Variants in TRIO observed in about 807,000 individuals in gnomAD.
TRIO encodes trio Rho guanine nucleotide exchange factor.
A neutral mutation model predicts 351.9 loss-of-function variants in TRIO; 58 were observed. The ratio of observed to expected loss-of-function variants is 0.16; its 90% CI spans 0.13 to 0.21. The LOEUF is 0.21. Ranked by LOEUF, TRIO falls within the 10% of genes least tolerant of loss-of-function variation. The pLI, the probability that TRIO is intolerant of heterozygous loss-of-function variation, is 1.00. For missense variants in TRIO, 3,201 were observed against 4,027.8 expected (o/e 0.79, Z 5.56); for synonymous variants, 1,758 against 1,595.7 (o/e 1.10, Z -2.42).
chr5:14,301,396 C>G (rs1737869835), intron 7 of TRIO, among the ~76,000 whole-genome samples: 1 of 152,084 alleles, frequency 6.6e-6, no homozygotes, highest in African/African-American at 2.4e-5. Context: ...CCCCCAGATG[C>G]TTTGTGTTCA....
rs551271314 is a variant in TRIO, at chr5:14,477,717, C to T, written c.6153+754C>T. On this transcript the variant is annotated intron_variant, in intron 41 of 56. Coordinates refer to ENST00000344204, the MANE Select transcript of TRIO (RefSeq NM_007118.4). ...TTAAATACATTGAACTATTGGGCTT[C>T]GAGGCTCCTGCAGCCATGCGCGGTC... Among the ~76,000 whole-genome samples, 13 of 152,272 alleles carry T rather than the reference C, an allele frequency of 8.5e-5. No individual in the cohort carries two copies. The South Asian group carries it at 1.7e-3, about 19-fold the overall frequency.
At position 14,461,296 on chromosome 5, in the gene TRIO, C is replaced by T. The variant is rs375196064; in HGVS notation, c.5481C>T (p.Asp1827=). The change falls in exon 35 of 57, where the codon GAC becomes GAT. Residue 1827 remains aspartate, a synonymous_variant. Transcript: ENST00000344204. Reference sequence around the variant, plus strand: ...ACGACAGTGCGGCCACCCCGCAGGACGAGACGGTCGAGGAGGTGAGGCTCT... The same window carrying T: ...ACGACAGTGCGGCCACCCCGCAGGATGAGACGGTCGAGGAGGTGAGGCTCT... ...DSDDSAATPQ[D]ETVEERGRNE... is the part of the protein sequence containing the mutation. 2.5e-6 allele frequency: 4 copies of T among 1,579,738 alleles called. No homozygotes were observed. Among genetic ancestry groups the T allele is most frequent in the African/African-American group, 2.7e-5 (2 of 74,222 alleles).
At chr5:14,386,534 G>C (rs1256418979) in intron 21 of TRIO, among the ~76,000 whole-genome samples, 2 of 152,180 alleles carry the variant, frequency 1.3e-5, no homozygotes, top group Non-Finnish European at 2.9e-5. Flanking sequence ...AGATTTTCTA[G>C]TTAAAGCTTA....
At chr5:14,507,036 A>C in intron 55 of TRIO, 86 bp from the exon 56 acceptor site, 3 of 1,459,480 alleles carry the variant, frequency 2.1e-6, no homozygotes, top group Non-Finnish European at 2.7e-6. Flanking sequence ...AACAGGTGAC[A>C]GGTCCGACAT....
At chr5:14,447,914 G>T (rs1056701464) in intron 34 of TRIO, among the ~76,000 whole-genome samples, 1 of 152,180 alleles carries the variant, frequency 6.6e-6, no homozygotes, top group African/African-American at 2.4e-5. Context: ...CCGTGGGACT[G>T]CTTATTTCCC....
At chr5:14,484,566 G>A (rs1175530645) in intron 46 of TRIO, among the ~76,000 whole-genome samples, 1 of 152,220 alleles carries the variant, frequency 6.6e-6, no homozygotes, top group Non-Finnish European at 1.5e-5. Flanking sequence ...ACTTCACTTT[G>A]CACTTGGCCA....
intron 10 of TRIO, among the ~76,000 whole-genome samples, chr5:14,331,475 T>C (rs1740900484): frequency 6.6e-6 from 1 of 152,236 alleles, no homozygotes; most frequent in African/African-American, 2.4e-5. Context: ...TGTGGCTTGA[T>C]GAAGTAACAC....
intron 11 of TRIO, among the ~76,000 whole-genome samples, chr5:14,347,827 A>G (rs1196562541): frequency 6.6e-6 from 1 of 152,208 alleles, no homozygotes; most frequent in Non-Finnish European, 1.5e-5. Context: ...AATCTAGACA[A>G]GGGCCTGTCA....
intron 39 of TRIO, 144 bp from the exon 40 acceptor site, chr5:14,473,850 T>C (rs1001720676): frequency 1.6e-6 from 1 of 634,848 alleles, no homozygotes; most frequent in Non-Finnish European, 2.6e-6. Flanking sequence ...TTCATATCGG[T>C]TTTTTTTGTT....
intron 1 of TRIO, among the ~76,000 whole-genome samples, chr5:14,182,112 C>A (rs202152037): frequency 8.3e-6 from 1 of 121,078 alleles, no homozygotes; most frequent in Non-Finnish European, 1.8e-5. Context: ...TTTTTTTTTT[C>A]TTTTCATCCA....
At position 14,230,340 on chromosome 5, in the gene TRIO, T is replaced by TTGTG. The variant is rs59717445; in HGVS notation, c.158-40453_158-40450dup. On this transcript the variant is annotated intron_variant, in intron 1 of 56. Transcript: ENST00000344204. ...GAAATTGGAAAGTCAGGCAAGATGT[T>TTGTG]TGTGTGTGTGTGTGTGTGTGTGTGT... Among the ~76,000 whole-genome samples, 366 of 149,122 alleles carry TTGTG rather than the reference T, an allele frequency of 2.5e-3. 2 individuals are homozygous for TTGTG. Among genetic ancestry groups the TTGTG allele is most frequent in the African/African-American group, 6.2e-3 (246 of 39,892 alleles).
At chr5:14,342,224 T>G (rs2152324014) in intron 11 of TRIO, among the ~76,000 whole-genome samples, 1 of 152,350 alleles carries the variant, frequency 6.6e-6, no homozygotes, top group East Asian at 1.9e-4. Flanking sequence ...CTGCCTCTCC[T>G]CTGACCCTCA....
chr5:14,266,331 A>G (rs1303394850), intron 1 of TRIO, among the ~76,000 whole-genome samples: 2 of 151,742 alleles, frequency 1.3e-5, no homozygotes, highest in East Asian at 3.9e-4. Flanking sequence ...CCCTTCATCC[A>G]TCTTTCTACC....
chr5:14,207,690 C>A (rs1040646889), intron 1 of TRIO, among the ~76,000 whole-genome samples: 3 of 151,524 alleles, frequency 2.0e-5, no homozygotes, highest in African/African-American at 7.3e-5. Flanking sequence ...CCACCCTGGG[C>A]AATAGAGCAA....
chr5:14,436,869 G>T (rs1000217758), intron 34 of TRIO, among the ~76,000 whole-genome samples: 1 of 152,200 alleles, frequency 6.6e-6, no homozygotes, highest in Non-Finnish European at 1.5e-5. Context: ...CTCCCTCCTG[G>T]TTGCTTTCAC....
At chr5:14,489,198 C>G (rs531969797) in intron 48 of TRIO, 2 of 583,718 alleles carry the variant, frequency 3.4e-6, no homozygotes, top group South Asian at 2.2e-5. Context: ...ATGTCTTTCT[C>G]TTTCCTCTGG....
chr5:14,396,820 CT>C (rs1747640882), intron 28 of TRIO, among the ~76,000 whole-genome samples: 1 of 152,148 alleles, frequency 6.6e-6, no homozygotes, highest in Admixed American at 6.5e-5. Context: ...CTAATTTCAT[CT>C]TAAACTGTGA....
intron 1 of TRIO, among the ~76,000 whole-genome samples, chr5:14,211,951 CA>C (rs1304747623): frequency 5.8e-5 from 4 of 69,084 alleles, no homozygotes; most frequent in Admixed American, 1.4e-4. Flanking sequence ...CCCATCTCTC[CA>C]AAAAAAAAAA....
At chr5:14,424,081 A>G (rs769643722) in intron 34 of TRIO, among the ~76,000 whole-genome samples, 13 of 152,090 alleles carry the variant, frequency 8.5e-5, no homozygotes, top group Non-Finnish European at 1.8e-4. Flanking sequence ...ATGGGCTTTA[A>G]GAAGAGACCT....
Sources: gnomAD v4.1 joint callset for allele counts (sites outside exome capture counted in the v4.1 genomes callset) on GRCh38, gnomAD v4.1.1 for gene constraint, MANE v1.5 for transcripts, NCBI Gene and HGNC (gene_info 2026-07-23, HGNC 2026-07-21) for gene names.